Variants in AGPS observed in about 807,000 individuals in gnomAD.
AGPS encodes the protein alkylglycerone phosphate synthase, also known as alkyldihydroxyacetonephosphate synthase, peroxisomal.
A neutral mutation model predicts 90.7 loss-of-function variants in AGPS; 26 were observed. The observed-to-expected ratio is 0.29, with a 90% CI of 0.21 to 0.40. AGPS has a LOEUF of 0.40. AGPS is among the 10% of genes least tolerant of loss of function. The pLI is 1.00. For missense variants in AGPS, 540 were observed against 816.1 expected (o/e 0.66, Z 4.12); for synonymous variants, 294 against 285.3 (o/e 1.03, Z -0.31).
chr2:177,479,481 T>C lies in AGPS; in HGVS notation c.1106-2578T>C, dbSNP rs117961885. ...GAAAAAAATTGTACATGTATGTTAA[T>C]TGCAGCATTATTAATAGTAGCCAAA... On this transcript the variant is annotated intron_variant, in intron 10 of 19. Coordinates refer to ENST00000264167, the MANE Select transcript of AGPS (RefSeq NM_003659.4). 4.0e-3 allele frequency among the ~76,000 whole-genome samples: 614 copies of C among 152,348 alleles called. 6 individuals carry two copies. The highest frequency in any genetic ancestry group is 0.033 in the East Asian group (169 of 5,188).
In AGPS at chr2:177,497,746, A is replaced by G; in HGVS notation, c.1343A>G (p.Lys448Arg). The change falls in exon 13 of 20, where the codon AAA (lysine) becomes AGA (arginine). Residue 448 changes from lysine to arginine, a missense_variant. Lys to Arg is a conservative substitution (Grantham distance 26). This residue lies in a region of AGPS where 405 missense variants were observed against 692.1 expected (regional missense o/e 0.59). Coordinates refer to ENST00000264167, the MANE Select transcript of AGPS (RefSeq NM_003659.4). Reference protein sequence around the residue: ...SIFTSFLDGLKKFYITKFKGF... With the variant: ...SIFTSFLDGLRKFYITKFKGF... Reference sequence around the variant, plus strand: ...TTTACATCATTTTTGGACGGATTAAAAAAGTTTTATATTACAAAGGTAAGA... The same window carrying G: ...TTTACATCATTTTTGGACGGATTAAGAAAGTTTTATATTACAAAGGTAAGA... 6.4e-7 allele frequency: 1 copy of G among 1,560,722 alleles called. No individual in the cohort carries two copies.
Position 177,434,393 on chromosome 2 carries a change from T to C in AGPS, c.417T>C (p.Asn139=), listed in dbSNP as rs1686335828. The change falls in exon 3 of 20, where the codon AAT becomes AAC. Residue 139 remains asparagine, a synonymous_variant. Transcript: ENST00000264167. The part of the protein sequence containing the change: ...KEWIQNTLGV[N]VEHKTTSKAS... ...GGATCCAAAATACCCTTGGAGTAAA[T>C]GTGGAGCATAAAACTACCTCTAAAG... is the stretch of plus-strand genomic sequence containing the variant. 3.1e-6 allele frequency: 5 copies of C among 1,612,950 alleles called. No individual in the cohort carries two copies. Among genetic ancestry groups the C allele is most frequent in the Non-Finnish European group, 4.2e-6 (5 of 1,179,342 alleles).
At chr2:177,436,944 G>T in intron 4 of AGPS, 36 bp from the exon 5 acceptor site, 1 of 1,611,318 alleles carries the variant, frequency 6.2e-7, no homozygotes, top group Non-Finnish European at 8.5e-7. Flanking sequence ...ATTTTAAGCT[G>T]TTTTTGTGTT....
intron 9 of AGPS, among the ~76,000 whole-genome samples, chr2:177,463,267 T>C (rs1042618255): frequency 7.2e-5 from 11 of 152,224 alleles, no homozygotes; most frequent in African/African-American, 2.4e-4. Context: ...GGTTTACGTT[T>C]CTAAACTTCA....
chr2:177,432,949 A>G (rs1261569324), intron 2 of AGPS, among the ~76,000 whole-genome samples: 2 of 152,162 alleles, frequency 1.3e-5, no homozygotes, highest in Non-Finnish European at 2.9e-5. Flanking sequence ...TCTTGAGGGA[A>G]CTAACAACTC....
At chr2:177,465,649 G>A (rs1460733793) in intron 9 of AGPS, among the ~76,000 whole-genome samples, 1 of 152,220 alleles carries the variant, frequency 6.6e-6, no homozygotes, top group African/African-American at 2.4e-5. Context: ...CTCCCTACAA[G>A]GCTGCTGCTG....
chr2:177,521,260 G>T lies in AGPS; in HGVS notation c.1698-9G>T. On this transcript the variant is annotated splice_polypyrimidine_tract_variant and intron_variant, in intron 17 of 19. Transcript: ENST00000264167. ...TAAAGCCCCTGTGGGGATTTTGTTT[G>T]TTTTTTAGGGTGACGCAGACTTACG... 1 of 1,613,436 alleles carries T rather than the reference G, an allele frequency of 6.2e-7. No individual in the cohort carries two copies. The highest frequency in any genetic ancestry group is 1.1e-5 in the South Asian group (1 of 91,080).
At chr2:177,528,198 C>T (rs2105738837) in intron 19 of AGPS, among the ~76,000 whole-genome samples, 1 of 152,300 alleles carries the variant, frequency 6.6e-6, no homozygotes, top group Non-Finnish European at 1.5e-5. Context: ...CACCTCTATA[C>T]CACTACCCTA....
intron 6 of AGPS, among the ~76,000 whole-genome samples, chr2:177,441,889 A>G (rs1686614084): frequency 1.3e-5 from 2 of 152,342 alleles, no homozygotes; most frequent in South Asian, 4.1e-4. Context: ...GAACATATAA[A>G]TGTTTTTAAA....
Sources: gnomAD v4.1 joint callset for allele counts (sites outside exome capture counted in the v4.1 genomes callset) on GRCh38, gnomAD v4.1.1 for gene constraint, gnomAD v4.1.1 regional missense constraint, MANE v1.5 for transcripts, NCBI Gene and HGNC (gene_info 2026-07-23, HGNC 2026-07-21) for gene names.